Variants in KANK4 observed in about 807,000 individuals in gnomAD.
KANK4 encodes KN motif and ankyrin repeat domains 4.
Under a neutral mutation model 80.8 loss-of-function variants are expected in KANK4, and 50 were observed. The ratio of observed to expected loss-of-function variants is 0.62; its 90% CI spans 0.49 to 0.78. The LOEUF is 0.78. KANK4 is among the 30% of genes least tolerant of loss of function. The pLI, the probability that KANK4 is intolerant of heterozygous loss-of-function variation, is 0.00. For synonymous variants in KANK4, 465 were observed against 506.9 expected (o/e 0.92, Z 1.11); for missense variants, 1,196 against 1,240.1 (o/e 0.96, Z 0.53).
At chr1:62,303,592 GCTAA>G (rs903333386) in intron 1 of KANK4, among the ~76,000 whole-genome samples, 3 of 151,962 alleles carry the variant, frequency 2.0e-5, no homozygotes, top group Non-Finnish European at 4.4e-5. Context: ...CATGTTAGTG[GCTAA>G]CTAACTACAT....
intron 1 of KANK4, among the ~76,000 whole-genome samples, chr1:62,296,163 C>T (rs1644361721): frequency 6.6e-6 from 1 of 152,224 alleles, no homozygotes; most frequent in Non-Finnish European, 1.5e-5. Context: ...ACGGGAAGTG[C>T]ATTCTTAGCA....
At position 62,274,624 on chromosome 1, in the gene KANK4, CA is replaced by C; in HGVS notation, c.479del (p.Leu160Ter). ...LTFGSGRPQL[L>X]RASSMPATLL... is the part of the protein sequence containing the mutation. ...GCGTGGCAGGCATGCTGGATGCTCTCAAGAGCTGGGGCCGTCCACTCCCAAA... is the reference window on the plus strand; with the variant it reads ...GCGTGGCAGGCATGCTGGATGCTCTCAGAGCTGGGGCCGTCCACTCCCAAA... On this transcript the variant is annotated frameshift_variant, in exon 3 of 10. Coordinates refer to ENST00000371153, the MANE Select transcript of KANK4 (RefSeq NM_181712.5). LOFTEE classifies it high-confidence loss of function. The C allele has an allele frequency of 6.2e-7, 1 of 1,614,180 alleles. No individual in the cohort carries two copies. Among genetic ancestry groups the C allele is most frequent in the Non-Finnish European group, 8.5e-7 (1 of 1,180,024 alleles).
intron 6 of KANK4, 117 bp downstream of exon 6, chr1:62,266,615 C>T (rs1163551574): frequency 1.4e-6 from 1 of 711,646 alleles, no homozygotes; most frequent in African/African-American, 1.8e-5. Context: ...ACTCACACCA[C>T]TGCACACTCA....
chr1:62,318,496 T>C (rs1331588330), intron 1 of KANK4, among the ~76,000 whole-genome samples: 1 of 152,208 alleles, frequency 6.6e-6, no homozygotes, highest in Non-Finnish European at 1.5e-5. Context: ...CGGCGGCGTC[T>C]AGAGCACTCG....
chr1:62,251,629 C>G (rs1671620259), intron 8 of KANK4, among the ~76,000 whole-genome samples: 1 of 152,214 alleles, frequency 6.6e-6, no homozygotes, highest in Admixed American at 6.5e-5. Flanking sequence ...TTCCAACCCT[C>G]TGTGCTGCCT....
chr1:62,318,065 C>T (rs919932506), intron 1 of KANK4, among the ~76,000 whole-genome samples: 5 of 152,290 alleles, frequency 3.3e-5, no homozygotes, highest in Non-Finnish European at 2.9e-5. Flanking sequence ...AGGCTCTAAG[C>T]AACCTGGGCT....
At chr1:62,272,793 CTT>C (rs57507456) in intron 3 of KANK4, 22 of 142,512 alleles carry the variant, frequency 1.5e-4, no homozygotes, top group Non-Finnish European at 2.0e-4. Flanking sequence ...ATCTTTTTTT[CTT>C]TTTTTTTTTT....
intron 9 of KANK4, 134 bp downstream of exon 9, chr1:62,247,338 C>T (rs1178257015): frequency 3.0e-6 from 2 of 671,478 alleles, no homozygotes; most frequent in East Asian, 5.4e-5. Context: ...GGGGGTCTCC[C>T]TATGTTGCCT....
intron 1 of KANK4, among the ~76,000 whole-genome samples, chr1:62,313,841 A>G (rs951925805): frequency 1.3e-5 from 2 of 151,952 alleles, no homozygotes; most frequent in African/African-American, 4.8e-5. Flanking sequence ...CGTTCTGCAC[A>G]TGTATCCCCA....
At chr1:62,266,526 C>T (rs1383956100) in intron 6 of KANK4, among the ~76,000 whole-genome samples, 1 of 151,880 alleles carries the variant, frequency 6.6e-6, no homozygotes, top group African/African-American at 2.4e-5. Flanking sequence ...TGCACACTCA[C>T]ACCACTGCCT....
At chr1:62,289,918 T>C (rs1672646102) in intron 1 of KANK4, among the ~76,000 whole-genome samples, 1 of 152,140 alleles carries the variant, frequency 6.6e-6, no homozygotes, top group Non-Finnish European at 1.5e-5. Flanking sequence ...TGTATAATCT[T>C]GCTCACATTA....
chr1:62,268,976 C>T (rs918328783), intron 4 of KANK4, among the ~76,000 whole-genome samples: 6 of 152,188 alleles, frequency 3.9e-5, no homozygotes, highest in African/African-American at 1.4e-4. Context: ...TGGATGAGAC[C>T]GAGACCTCCC....
At chr1:62,283,502 T>G (rs1672495580) in intron 1 of KANK4, among the ~76,000 whole-genome samples, 1 of 152,180 alleles carries the variant, frequency 6.6e-6, no homozygotes, top group Non-Finnish European at 1.5e-5. Flanking sequence ...TTTGTAAGCC[T>G]TTGTCCACCC....
chr1:62,265,033 G>C (rs1171184351), intron 6 of KANK4, among the ~76,000 whole-genome samples: 4 of 152,018 alleles, frequency 2.6e-5, no homozygotes, highest in African/African-American at 9.7e-5. Context: ...GTTTTGCCAT[G>C]TTGGCCAGCC....
intron 1 of KANK4, among the ~76,000 whole-genome samples, chr1:62,307,211 G>A (rs114278269): frequency 0.03 from 4,599 of 152,142 alleles, 90 homozygotes; most frequent in Non-Finnish European, 0.043. Flanking sequence ...AGTCCGGTGC[G>A]GTGGCTCACA....
chr1:62,273,073 G>A (rs1313942592), intron 3 of KANK4, 131 bp downstream of exon 3: 1 of 599,202 alleles, frequency 1.7e-6, no homozygotes, highest in Non-Finnish European at 2.7e-6. Flanking sequence ...TTACAGGCCT[G>A]AGCCACTGCT....
At chr1:62,243,079 C>T (rs1188044283) in intron 9 of KANK4, among the ~76,000 whole-genome samples, 2 of 152,178 alleles carry the variant, frequency 1.3e-5, no homozygotes, top group Non-Finnish European at 2.9e-5. Context: ...ACCTGGGCAC[C>T]ACTGTGCCGG....
At position 62,263,130 on chromosome 1, in the gene KANK4, T is replaced by G; in HGVS notation, c.2501A>C (p.His834Pro). 1 of 1,613,518 alleles carries G rather than the reference T, an allele frequency of 6.2e-7. No homozygotes were observed. The highest frequency in any genetic ancestry group is 2.2e-5 in the East Asian group (1 of 44,884). The change falls in exon 7 of 10, where the codon CAC becomes CCC. Residue 834 changes from histidine to proline, a missense_variant. By Grantham distance (77) the His-to-Pro change is moderately conservative (BLOSUM62 -2). Coordinates refer to ENST00000371153, the MANE Select transcript of KANK4 (RefSeq NM_181712.5). ...GNTALHYSVSHSNFSIVKLLL... is the reference protein window; with the variant it reads ...GNTALHYSVSPSNFSIVKLLL... ...CAGCTTCACGATGGAGAAGTTGGAG[T>G]GGGACACGCTGTAGTGAAGGGCCGT...
intron 8 of KANK4, among the ~76,000 whole-genome samples, chr1:62,248,699 C>T (rs1433317075): frequency 6.6e-6 from 1 of 151,644 alleles, no homozygotes; most frequent in Non-Finnish European, 1.5e-5. Flanking sequence ...CAGCTGCCAC[C>T]ATGCCCAGCT....
Sources: gnomAD v4.1 joint callset for allele counts (sites outside exome capture counted in the v4.1 genomes callset) on GRCh38, gnomAD v4.1.1 for gene constraint, MANE v1.5 for transcripts, NCBI Gene and HGNC (gene_info 2026-07-23, HGNC 2026-07-21) for gene names.